Variants in PCDH15 observed in about 807,000 individuals in gnomAD.
PCDH15 encodes the protein protocadherin-15.
A neutral mutation model predicts 178.5 loss-of-function variants in PCDH15; 129 were observed. The observed-to-expected ratio is 0.72, with a 90% confidence interval of 0.63 to 0.84. The LOEUF (loss-of-function observed/expected upper bound fraction) is 0.84. Ranked by LOEUF, PCDH15 falls within the 40% of genes least tolerant of loss-of-function variation. The pLI, the probability that PCDH15 is intolerant of heterozygous loss-of-function variation, is 0.00. For synonymous variants in PCDH15, 800 were observed against 732.0 expected, an observed-to-expected ratio of 1.09 and a Z score of -1.50; for missense variants, 2,230 against 2,099.9, an observed-to-expected ratio of 1.06 and a Z score of -1.21.
chr10:53,813,085 T>C (rs2075933101), intron 35 of PCDH15, among the ~76,000 whole-genome samples: 1 of 152,152 alleles, frequency 6.6e-6, no homozygotes, highest in Non-Finnish European at 1.5e-5. Context: ...TTGGTTTCTC[T>C]TGAAAAATAA....
At chr10:54,109,428 G>T (rs1383321302) in intron 15 of PCDH15, among the ~76,000 whole-genome samples, 1 of 152,050 alleles carries the variant, frequency 6.6e-6, no homozygotes, top group East Asian at 1.9e-4. Flanking sequence ...AAAATCAAAG[G>T]CATCAAACTC....
At position 54,317,230 on chromosome 10, in the gene PCDH15, A is replaced by T. The variant is rs751785370; in HGVS notation, c.876+41T>A. 4 of 1,595,674 alleles carry T rather than the reference A, an allele frequency of 2.5e-6. No homozygotes were observed. In the East Asian group the frequency reaches 8.9e-5, roughly 36 times the overall value. ...CTTGAACATGATCCCATTGGGTTTTAAAACATGCAAATAAATGGAGAAAGA... is the reference window on the plus strand; with the variant it reads ...CTTGAACATGATCCCATTGGGTTTTTAAACATGCAAATAAATGGAGAAAGA... On this transcript the variant is annotated intron_variant, in intron 8 of 37. Coordinates refer to ENST00000644397, the MANE Select transcript of PCDH15 (RefSeq NM_001384140.1).
At chr10:54,255,924 T>C (rs1172454758) in intron 8 of PCDH15, among the ~76,000 whole-genome samples, 4 of 152,194 alleles carry the variant, frequency 2.6e-5, no homozygotes, top group African/African-American at 7.2e-5. Context: ...ATTTCATAGA[T>C]GTTAAAACAA....
At chr10:54,606,442 TATATG>T (rs1339691619) in intron 2 of PCDH15, 1 of 152,126 alleles carries the variant, frequency 6.6e-6, no homozygotes, top group African/African-American at 2.4e-5. Flanking sequence ...AGTTTTGAGA[TATATG>T]AGAATGATTA....
chr10:54,632,650 A>G (rs1047803069), intron 2 of PCDH15, among the ~76,000 whole-genome samples: 3 of 152,114 alleles, frequency 2.0e-5, no homozygotes, highest in African/African-American at 7.2e-5. Context: ...AGGAAATTAA[A>G]TGTGTTTCAA....
chr10:55,496,643 C>G (rs750569793), intron 2 of PCDH15, among the ~76,000 whole-genome samples: 3 of 151,640 alleles, frequency 2.0e-5, no homozygotes, highest in Non-Finnish European at 2.9e-5. Flanking sequence ...AGTTTGAATT[C>G]ATTTTAATTT....
At chr10:53,920,171 G>A (rs559254928) in intron 25 of PCDH15, among the ~76,000 whole-genome samples, 89 of 152,152 alleles carry the variant, frequency 5.8e-4, no homozygotes, top group African/African-American at 2.1e-3. Context: ...TTGAATACAA[G>A]GGCCTGCTTT....
At chr10:55,023,233 C>T (rs537214605) in intron 2 of PCDH15, among the ~76,000 whole-genome samples, 5 of 152,206 alleles carry the variant, frequency 3.3e-5, no homozygotes, top group South Asian at 4.1e-4. Flanking sequence ...TGAGCCACCG[C>T]GCCCGGTTTA....
At chr10:53,948,770 G>T (rs1005240068) in intron 23 of PCDH15, among the ~76,000 whole-genome samples, 3 of 152,104 alleles carry the variant, frequency 2.0e-5, no homozygotes, top group African/African-American at 7.2e-5. Flanking sequence ...ATTTCTCTGT[G>T]ATAATGAACA....
At chr10:54,123,293 CA>C (rs1281138568) in intron 15 of PCDH15, among the ~76,000 whole-genome samples, 1 of 152,008 alleles carries the variant, frequency 6.6e-6, no homozygotes. Context: ...CTTATATTCA[CA>C]ATCTACAAGT....
chr10:55,368,575 C>A (rs1845421765), intron 2 of PCDH15, among the ~76,000 whole-genome samples: 1 of 152,098 alleles, frequency 6.6e-6, no homozygotes, highest in African/African-American at 2.4e-5. Context: ...TTAAAGTACA[C>A]AGTCTGAAAT....
intron 3 of PCDH15, among the ~76,000 whole-genome samples, chr10:54,498,997 AC>A (rs2080386721): frequency 6.6e-6 from 1 of 152,094 alleles, no homozygotes; most frequent in South Asian, 2.1e-4. Context: ...ACTCACTATC[AC>A]TAGAACAGCA....
intron 13 of PCDH15, among the ~76,000 whole-genome samples, chr10:54,169,628 AT>A (rs1378117992): frequency 2.7e-5 from 4 of 150,292 alleles, no homozygotes; most frequent in Non-Finnish European, 5.9e-5. Flanking sequence ...CTCCTCTTGT[AT>A]CCCCCCACCT....
At chr10:54,373,043 TG>T (rs1428294921) in intron 4 of PCDH15, among the ~76,000 whole-genome samples, 2 of 151,900 alleles carry the variant, frequency 1.3e-5, no homozygotes, top group African/African-American at 4.8e-5. Flanking sequence ...TAGAAATTTT[TG>T]TTATGAATTT....
rs558645186 is a variant in PCDH15, at chr10:54,946,726, C to G, written c.-79-49226G>C. 1.4e-3 allele frequency among the ~76,000 whole-genome samples: 210 copies of G among 151,952 alleles called. 2 individuals are homozygous for G. The highest frequency in any genetic ancestry group is 4.9e-3 in the African/African-American group (202 of 41,512). On this transcript the variant is annotated intron_variant, in intron 2 of 5. Transcript: ENST00000458638. ...CATAATTTTCTCTAGTAAATTTAAG[C>G]ACTTTACAAGGTGATCTTATTACTT...
At chr10:53,968,112 C>G (rs560804154) in intron 21 of PCDH15, among the ~76,000 whole-genome samples, 2 of 152,150 alleles carry the variant, frequency 1.3e-5, no homozygotes, top group Non-Finnish European at 2.9e-5. Flanking sequence ...ACAAGGGAAG[C>G]CATGACAGAT....
chr10:54,892,165 A>C (rs1191113270), intron 3 of PCDH15, among the ~76,000 whole-genome samples: 2 of 152,118 alleles, frequency 1.3e-5, no homozygotes, highest in Admixed American at 6.6e-5. Flanking sequence ...CATTCAAAAG[A>C]GACCAAATAA....
In PCDH15 at chr10:54,442,414, C is replaced by CTTTATATATATATATATATATA. The variant is rs1491511066; in HGVS notation, c.158-63473_158-63472insTATATATATATATATATATAAA. On this transcript the variant is annotated intron_variant, in intron 3 of 37. Transcript: ENST00000644397. ...TTAAAAAAAAAAAAGGCCTTAAAGG[C>CTTTATATATATATATATATATA]TATATATATATATATATATATATAT... 2.1e-4 allele frequency among the ~76,000 whole-genome samples: 4 copies of CTTTATATATATATATATATATA among 19,194 alleles called. 1 individual carries two copies. The highest frequency in any genetic ancestry group is 3.6e-4 in the Non-Finnish European group (4 of 11,110). The allele number at this position is 19,194 out of a possible 152,430, so 12.6% of individuals were successfully genotyped here.
chr10:55,267,500 T>C (rs1842330683), intron 1 of PCDH15, among the ~76,000 whole-genome samples: 1 of 152,236 alleles, frequency 6.6e-6, no homozygotes, highest in Non-Finnish European at 1.5e-5. Flanking sequence ...TTTGTCCTTT[T>C]TATCAACTTT....
Sources: gnomAD v4.1 joint callset for allele counts (sites outside exome capture counted in the v4.1 genomes callset) on GRCh38, gnomAD v4.1.1 for gene constraint, MANE v1.5 for transcripts, NCBI Gene and HGNC (gene_info 2026-07-23, HGNC 2026-07-21) for gene names.